The following UMODL1 variants were observed in gnomAD, a reference collection of about 807,000 sequenced individuals.
UMODL1 encodes uromodulin-like 1.
Under a neutral mutation model 136.3 loss-of-function variants are expected in UMODL1, and 128 were observed. The observed-to-expected ratio is 0.94, with a 90% CI of 0.81 to 1.09. The LOEUF (loss-of-function observed/expected upper bound fraction) is 1.09, where lower values mean the gene tolerates loss of function less well. Ranked by LOEUF, UMODL1 falls within the 50% of genes least tolerant of loss-of-function variation. UMODL1 has a pLI of 0.00. For synonymous variants in UMODL1, 721 were observed against 720.0 expected (o/e 1.00, Z -0.02); for missense variants, 1,766 against 1,725.6 (o/e 1.02, Z -0.41).
At chr21:42,137,758 CAGGAAGGTGGGT>C in intron 22 of UMODL1, 117 bp downstream of exon 22, 1 of 1,135,114 alleles carries the variant, frequency 8.8e-7, no homozygotes, top group Non-Finnish European at 1.2e-6. Context: ...TGTAGGCTGA[CAGGAAGGTGGGT>C]GTGGAGTGGG....
At position 42,085,482 on chromosome 21, in the gene UMODL1, G is replaced by T; in HGVS notation, c.603+70G>T. ...CTGCTCAGGCAGACCCAGGTATGGG[G>T]CCGTGGAAGGGACCTGGGGGTTGGG... On this transcript the variant is annotated intron_variant, in intron 4 of 22. Transcript: ENST00000408910. This position sits in a 1 kb window ranked among gnomAD's most constrained non-coding sequence, Gnocchi z 4.5. 1.2e-6 allele frequency: 2 copies of T among 1,608,598 alleles called. No homozygotes were observed. Among genetic ancestry groups the T allele is most frequent in the Non-Finnish European group, 1.7e-6 (2 of 1,178,084 alleles).
rs374076828 is a variant in UMODL1, at chr21:42,099,216, G to A, written c.1186+36G>A. The A allele has an allele frequency of 8.1e-6, 13 of 1,599,106 alleles. No homozygotes were observed. In the African/African-American group the frequency reaches 1.1e-4, roughly 13 times the overall value. ...CAGTCAGAGACCCACGTTAGCTTGC[G>A]AGCTTGTCTTTCTATCCCAGGTCTG... is the stretch of plus-strand genomic sequence containing the variant. On this transcript the variant is annotated intron_variant, in intron 7 of 22. Transcript: ENST00000408910. This position sits in a 1 kb window ranked among gnomAD's most constrained non-coding sequence, Gnocchi z 4.1.
chr21:42,082,431 G>C (rs2066372888), intron 2 of UMODL1, among the ~76,000 whole-genome samples: 1 of 152,224 alleles, frequency 6.6e-6, no homozygotes, highest in South Asian at 2.1e-4. Flanking sequence ...GAGAGGTCTT[G>C]AGCTGTGCTC....
rs1419364109 is a variant in UMODL1, at chr21:42,085,742, A to C, written c.603+330A>C. 6.6e-6 allele frequency among the ~76,000 whole-genome samples: 1 copy of C among 152,014 alleles called. No homozygotes were observed. The highest frequency in any genetic ancestry group is 1.9e-4 in the East Asian group (1 of 5,186). ...CCCAGCAAAGACAGCCTAAGCCCCG[A>C]GCTCTTCCCTCACCACCCTCAGTCC... On this transcript the variant is annotated intron_variant, in intron 4 of 22. Transcript: ENST00000408910. This position sits in a 1 kb window ranked among gnomAD's most constrained non-coding sequence, Gnocchi z 4.5.
intron 9 of UMODL1, among the ~76,000 whole-genome samples, chr21:42,104,447 T>G (rs1315208756): frequency 6.6e-6 from 1 of 151,866 alleles, no homozygotes; most frequent in East Asian, 1.9e-4. Context: ...TTCTTTTTCT[T>G]TTCTTTTCTT....
chr21:42,119,997 G>A (rs1260726569), intron 15 of UMODL1, among the ~76,000 whole-genome samples: 1 of 152,112 alleles, frequency 6.6e-6, no homozygotes, highest in Non-Finnish European at 1.5e-5. Context: ...CAAATATATA[G>A]AGAGATCATA....
rs756192540 is a variant in UMODL1 at position 42,127,790 on chromosome 21, C to T, written c.3649C>T (p.Leu1217Phe). 1.2e-6 allele frequency: 2 copies of T among 1,614,152 alleles called. No homozygotes were observed. Among genetic ancestry groups the T allele is most frequent in the East Asian group, 2.2e-5 (1 of 44,894 alleles). ...CTCCATCGTCTACCTGCACTGCAAACTCCGCGTCTGCATGGAATCCCCCGG... is the reference window on the plus strand; with the variant it reads ...CTCCATCGTCTACCTGCACTGCAAATTCCGCGTCTGCATGGAATCCCCCGG... ...NDSIVYLHCK[L>F]RVCMESPGAT... is the part of the protein sequence containing the mutation. The change falls in exon 20 of 23, where the codon CTC becomes TTC. Residue 1217 changes from leucine (L) to phenylalanine (F), a missense_variant. Transcript: ENST00000408910.
chr21:42,069,325 A>G (rs1048214733), upstream of UMODL1, among the ~76,000 whole-genome samples: 1 of 151,776 alleles, frequency 6.6e-6, no homozygotes, highest in African/African-American at 2.4e-5. Flanking sequence ...AGGAGACACC[A>G]AGCTAGAAAC....
intron 12 of UMODL1, among the ~76,000 whole-genome samples, chr21:42,113,300 G>A (rs1301270637): frequency 6.6e-6 from 1 of 151,738 alleles, no homozygotes. Context: ...GGGGAGTCCA[G>A]GGGCCTCAGG....
intron 18 of UMODL1, 127 bp downstream of exon 18, chr21:42,126,617 C>A (rs1436385423): frequency 1.4e-6 from 2 of 1,408,176 alleles, no homozygotes; most frequent in African/African-American, 2.9e-5. Context: ...ATGGGTGTGG[C>A]CTGGCTGCTC....
chr21:42,069,236 A>ACACACAC (rs978080439), upstream of UMODL1, among the ~76,000 whole-genome samples: 41 of 147,586 alleles, frequency 2.8e-4, no homozygotes, highest in South Asian at 1.1e-3. Context: ...AGAAACACAC[A>ACACACAC]CACACACACA....
At chr21:42,116,642 A>G (rs369772592) in intron 14 of UMODL1, among the ~76,000 whole-genome samples, 7 of 152,198 alleles carry the variant, frequency 4.6e-5, no homozygotes, top group East Asian at 1.9e-4. Context: ...CCTGTAAAAA[A>G]TGAGATTTAT....
intron 6 of UMODL1, among the ~76,000 whole-genome samples, chr21:42,092,966 G>A (rs2066509771): frequency 6.6e-6 from 1 of 152,188 alleles, no homozygotes; most frequent in African/African-American, 2.4e-5. Flanking sequence ...TCCCAAGGCT[G>A]TCTTCCCTAG....
intron 21 of UMODL1, 69 bp downstream of exon 21, chr21:42,129,866 A>G: frequency 8.2e-7 from 1 of 1,222,528 alleles, no homozygotes; most frequent in East Asian, 2.5e-5. Context: ...CAGCATGTAA[A>G]TAAAAAAGTA....
At chr21:42,072,048 C>CAAAT (rs2066238280) in intron 1 of UMODL1, among the ~76,000 whole-genome samples, 1 of 148,258 alleles carries the variant, frequency 6.7e-6, no homozygotes, top group East Asian at 2.0e-4. Flanking sequence ...AGCCCCCAAA[C>CAAAT]AAACAAACAA....
At chr21:42,134,942 A>G (rs1193675405) in intron 21 of UMODL1, among the ~76,000 whole-genome samples, 1 of 152,092 alleles carries the variant, frequency 6.6e-6, no homozygotes, top group Non-Finnish European at 1.5e-5. Context: ...TTTTACTTTA[A>G]GTTCTGGGAT....
chr21:42,086,701 C>T (rs2066430655), intron 4 of UMODL1: 1 of 447,432 alleles, frequency 2.2e-6, no homozygotes, highest in Non-Finnish European at 4.5e-6. Flanking sequence ...AGTGGTGGCT[C>T]AAGCTTGTAA....
intron 17 of UMODL1, among the ~76,000 whole-genome samples, chr21:42,125,732 G>A (rs1203218795): frequency 3.3e-5 from 5 of 152,170 alleles, no homozygotes; most frequent in Admixed American, 6.5e-5. Context: ...CATGTGGGCC[G>A]GGCCACAGCG....
At chr21:42,106,361 C>T (rs1244307081) in intron 9 of UMODL1, among the ~76,000 whole-genome samples, 5 of 152,232 alleles carry the variant, frequency 3.3e-5, no homozygotes, top group Non-Finnish European at 5.9e-5. Context: ...ACAAAAAGAG[C>T]TCCTCTGAAG....
Sources: allele counts gnomAD v4.1 joint callset (sites outside exome capture counted in the v4.1 genomes callset), GRCh38; gene constraint gnomAD v4.1.1; non-coding constraint Gnocchi (gnomAD v3.1); transcripts MANE v1.5; gene names NCBI Gene and HGNC (gene_info 2026-07-23, HGNC 2026-07-21).